The following SLC15A4 variants were observed in gnomAD, a reference collection of about 807,000 sequenced individuals.
The protein encoded by SLC15A4 is hPHT1.
In SLC15A4, 26 loss-of-function variants were observed where a neutral mutation model predicts 46.1. That is an observed-to-expected ratio of 0.56 (90% confidence interval 0.41 to 0.78). The LOEUF is 0.78. Among genes scored for constraint, SLC15A4 ranks in the 30% least tolerant of loss-of-function variants. SLC15A4 has a pLI of 0.00. For synonymous variants in SLC15A4, 370 were observed against 333.4 expected (o/e 1.11, Z -1.20); for missense variants, 751 against 755.7 (o/e 0.99, Z 0.07).
chr12:128,809,527 T>G (rs377593855), intron 3 of SLC15A4, 54 bp from the exon 4 acceptor site: 476 of 1,152,342 alleles, frequency 4.1e-4, no homozygotes, highest in Non-Finnish European at 5.8e-4. Context: ...TCTCAAACAC[T>G]CTAAGCATCC....
At chr12:128,799,229 T>G (rs1408063317) in intron 7 of SLC15A4, 30 bp downstream of exon 7, 1 of 1,610,804 alleles carries the variant, frequency 6.2e-7, no homozygotes, top group South Asian at 1.1e-5. Flanking sequence ...CACTGGCTAT[T>G]TTCAAAAGGG....
rs1955490482 is a variant in SLC15A4 at position 128,799,555 on chromosome 12, T to C, written c.1415-138A>G. 4.8e-6 allele frequency: 4 copies of C among 840,746 alleles called. No homozygotes were observed. The Admixed American group carries it at 8.5e-5, about 18-fold the overall frequency. The allele number at this position is 840,746 out of a possible 1,614,324, so 52.1% of individuals were successfully genotyped here. A position where few individuals can be genotyped will look rare whatever the true frequency, so the allele number is the denominator to read the frequency against. ...CTGCAGACAGGCACAACCTCTTTTC[T>C]ATTAGGAGGACGATGCTTACTAGCG... is the stretch of plus-strand genomic sequence containing the variant. On this transcript the variant is annotated intron_variant, in intron 6 of 7. Transcript: ENST00000266771.
At position 128,801,024 on chromosome 12, in the gene SLC15A4, T is replaced by C; in HGVS notation, c.1259-15A>G. ...CTCCAAAATTCCTAGAATTCAAAAG[T>C]AGGTTAGTGTAATATTCATTTATTA... On this transcript the variant is annotated splice_polypyrimidine_tract_variant and intron_variant, in intron 5 of 7. Transcript: ENST00000266771. 1.3e-6 allele frequency: 2 copies of C among 1,585,940 alleles called. No homozygotes were observed. The highest frequency in any genetic ancestry group is 1.7e-6 in the Non-Finnish European group (2 of 1,165,924).
Position 128,793,218 on chromosome 12 carries a change from T to C in SLC15A4, c.*978A>G, listed in dbSNP as rs1323150454. 6.6e-6 allele frequency: 1 copy of C among 152,218 alleles called. No homozygotes were observed. Among genetic ancestry groups the C allele is most frequent in the Non-Finnish European group, 1.5e-5 (1 of 68,034 alleles). The allele number at this position is 152,218 out of a possible 1,614,324, so 9.4% of individuals were successfully genotyped here. ...ATGGATTTCGCATTTGAGATGCTTT[T>C]TATAATAAAGTTATGCCAAAAATAC... On this transcript the variant is annotated 3_prime_UTR_variant, in exon 8 of 8. Transcript: ENST00000266771.
intron 5 of SLC15A4, among the ~76,000 whole-genome samples, chr12:128,805,614 C>T (rs375010211): frequency 3.4e-3 from 512 of 152,236 alleles, no homozygotes; most frequent in Non-Finnish European, 5.8e-3. Context: ...CTCACTGCAA[C>T]CTCCACCTCC....
chr12:128,812,882 C>T (rs1184499415), intron 2 of SLC15A4, among the ~76,000 whole-genome samples: 4 of 80,452 alleles, frequency 5.0e-5, no homozygotes, highest in Non-Finnish European at 6.3e-5. Flanking sequence ...TGCAAGCTAG[C>T]CCCTGCTTTT....
chr12:128,822,919 G>A (rs1026360340), intron 1 of SLC15A4, among the ~76,000 whole-genome samples: 1 of 152,046 alleles, frequency 6.6e-6, no homozygotes, highest in Non-Finnish European at 1.5e-5. Flanking sequence ...TGTGACCCTA[G>A]CTCACTGCAG....
rs1339828897 is a variant in SLC15A4 at position 128,793,479 on chromosome 12, T to TGAA, written c.*714_*716dup. ...ATAAGCACTCTGACTAGGTAAGGTG[T>TGAA]GAAGTACCCCGTGAGTTGCTCTGTG... On this transcript the variant is annotated 3_prime_UTR_variant, in exon 8 of 8. Transcript: ENST00000266771. The TGAA allele has an allele frequency of 4.6e-5, 7 of 152,220 alleles. No homozygotes were observed. The allele number at this position is 152,220 out of a possible 1,614,324, so 9.4% of individuals were successfully genotyped here.
Position 128,823,921 on chromosome 12 carries a change from G to GCACCGCCCC in SLC15A4, c.14_22dup (p.Gly5_Gly7dup). 1 of 733,238 alleles carries GCACCGCCCC rather than the reference G, an allele frequency of 1.4e-6. No individual in the cohort carries two copies. The highest frequency in any genetic ancestry group is 1.7e-6 in the Non-Finnish European group (1 of 602,080). The allele number at this position is 733,238 out of a possible 1,614,324, so 45.4% of individuals were successfully genotyped here. A position where few individuals can be genotyped will look rare whatever the true frequency, so the allele number is the denominator to read the frequency against. ...GCCCAGCAGCGGCGCCCGCTCGCCC[G>GCACCGCCCC]CACCGCCCCCAGAGCCCTCCATGCG... is the stretch of plus-strand genomic sequence containing the variant. On this transcript the variant is annotated inframe_insertion, in exon 1 of 8. Coordinates refer to ENST00000266771, the MANE Select transcript of SLC15A4 (RefSeq NM_145648.4).
chr12:128,819,747 G>A (rs565041261), intron 1 of SLC15A4: 1 of 152,366 alleles, frequency 6.6e-6, no homozygotes, highest in South Asian at 2.1e-4. Context: ...TTCGGAAGAA[G>A]GCACATCTCC....
At chr12:128,807,294 C>T (rs921927188) in intron 5 of SLC15A4, among the ~76,000 whole-genome samples, 28 of 152,256 alleles carry the variant, frequency 1.8e-4, no homozygotes, top group African/African-American at 6.3e-4. Flanking sequence ...AAACACATAT[C>T]GAAACCACCA....
intron 5 of SLC15A4, among the ~76,000 whole-genome samples, chr12:128,801,873 G>T (rs143821413): frequency 3.3e-4 from 51 of 152,268 alleles, no homozygotes; most frequent in African/African-American, 1.2e-3. Flanking sequence ...TGGTCAGAGG[G>T]CAATGGAATG....
chr12:128,797,386 CCTT>C (rs1287848309), intron 7 of SLC15A4, among the ~76,000 whole-genome samples: 2 of 109,042 alleles, frequency 1.8e-5, no homozygotes, highest in Non-Finnish European at 4.5e-5. Flanking sequence ...AACAGGTTTA[CCTT>C]CTGAGGGGGG....
At position 128,814,823 on chromosome 12, in the gene SLC15A4, G is replaced by A. The variant is rs964143980; in HGVS notation, c.794C>T (p.Thr265Met). ...TCGCTTCTGGGAACAGCAGGAATAC[G>A]TCAGTATCTTGAACATGTCGGTGAA... is the stretch of plus-strand genomic sequence containing the variant. The part of the protein sequence containing the change: ...SAFTDMFKIL[T>M]YSCCSQKRSG... Residue 265 changes from threonine to methionine, a missense_variant, in exon 2 of 8, where the codon ACG becomes ATG. Thr to Met is a moderately conservative substitution (Grantham distance 81). Transcript: ENST00000266771. The A allele has an allele frequency of 9.3e-6, 15 of 1,614,208 alleles. No individual in the cohort carries two copies. The highest frequency in any genetic ancestry group is 2.2e-5 in the East Asian group (1 of 44,894).
At position 128,823,362 on chromosome 12, in the gene SLC15A4, A is replaced by T. The variant is rs967316460; in HGVS notation, c.546+36T>A. On this transcript the variant is annotated intron_variant, in intron 1 of 7. Coordinates refer to ENST00000266771, the MANE Select transcript of SLC15A4 (RefSeq NM_145648.4). ...GAGGCTGGGGCTGGGCAGGGGCTGG[A>T]CAGGGACAGGGACAGCGCGCGGGGG... 7.3e-6 allele frequency: 10 copies of T among 1,362,064 alleles called. No individual in the cohort carries two copies. In the African/African-American group the frequency reaches 1.5e-4, roughly 21 times the overall value. The allele number at this position is 1,362,064 out of a possible 1,614,324, so 84.4% of individuals were successfully genotyped here.
At chr12:128,801,228 G>T in intron 5 of SLC15A4, 1 of 427,314 alleles carries the variant, frequency 2.3e-6, no homozygotes, top group Non-Finnish European at 4.2e-6. Flanking sequence ...ATTTCACTTC[G>T]GCTTTTTACA....
intron 7 of SLC15A4, among the ~76,000 whole-genome samples, chr12:128,796,151 G>A (rs745329026): frequency 1.6e-4 from 24 of 152,100 alleles, no homozygotes; most frequent in Non-Finnish European, 1.5e-4. Flanking sequence ...TGGGCCAGGC[G>A]CAGTGGCTTA....
In SLC15A4 at chr12:128,799,298, T is replaced by A. The variant is rs771494243; in HGVS notation, c.1534A>T (p.Ile512Phe). 2 of 1,614,074 alleles carry A rather than the reference T, an allele frequency of 1.2e-6. No individual in the cohort carries two copies. The highest frequency in any genetic ancestry group is 1.3e-5 in the African/African-American group (1 of 74,978). ...CTGCTCATCCATCCGATGGCTTTGA[T>A]AGACACCAGTGCCAGCAGTCCAGAA... Reference protein sequence around the residue: ...VGSGLLALVSIKAIGWMSSHT... With the variant: ...VGSGLLALVSFKAIGWMSSHT... The change falls in exon 7 of 8, where the codon ATC (isoleucine) becomes TTC (phenylalanine). Residue 512 changes from isoleucine to phenylalanine, a missense_variant. By Grantham distance (21) the Ile-to-Phe change is conservative (BLOSUM62 0). Transcript: ENST00000266771.
In SLC15A4 at chr12:128,823,421, T is replaced by C; in HGVS notation, c.523A>G (p.Ile175Val). 6.9e-7 allele frequency: 1 copy of C among 1,455,890 alleles called. No homozygotes were observed. The highest frequency in any genetic ancestry group is 1.5e-5 in the African/African-American group (1 of 67,646). The allele number at this position is 1,455,890 out of a possible 1,614,324, so 90.2% of individuals were successfully genotyped here. Residue 175 changes from isoleucine (I) to valine (V), a missense_variant, in exon 1 of 8, where the codon ATC becomes GTC. Coordinates refer to ENST00000266771, the MANE Select transcript of SLC15A4 (RefSeq NM_145648.4). ...ACCTGGTCGGCGCCGAAGGGCGTGA[T>C]GTTGGCCTTGACGGTGGCCACGCCC... is the stretch of plus-strand genomic sequence containing the variant. Reference protein sequence around the residue: ...GLGVATVKANITPFGADQVKD... With the variant: ...GLGVATVKANVTPFGADQVKD...
Sources: gnomAD v4.1 joint callset for allele counts (sites outside exome capture counted in the v4.1 genomes callset) on GRCh38, gnomAD v4.1.1 for gene constraint, MANE v1.5 for transcripts, NCBI Gene and HGNC (gene_info 2026-07-23, HGNC 2026-07-21) for gene names.